Variants in SPATA18 observed in about 807,000 individuals in gnomAD.
The protein encoded by SPATA18 is mitochondria-eating protein.
Under a neutral mutation model 68.1 loss-of-function variants are expected in SPATA18, and 54 were observed. The ratio of observed to expected loss-of-function variants is 0.79; its 90% CI spans 0.64 to 0.99. SPATA18 has a LOEUF of 0.99. Among genes scored for constraint, SPATA18 ranks in the 50% least tolerant of loss-of-function variants. SPATA18 has a pLI of 0.00. For missense variants in SPATA18, 724 were observed against 681.1 expected (o/e 1.06, Z -0.70); for synonymous variants, 242 against 244.8 (o/e 0.99, Z 0.11).
intron 4 of SPATA18, among the ~76,000 whole-genome samples, chr4:52,067,864 G>C (rs1739445029): frequency 6.6e-6 from 1 of 152,160 alleles, no homozygotes; most frequent in East Asian, 1.9e-4. Flanking sequence ...AATTGACACT[G>C]TTGTATCCCC....
chr4:52,090,323 A>G (rs1259753676), intron 11 of SPATA18, among the ~76,000 whole-genome samples: 1 of 152,166 alleles, frequency 6.6e-6, no homozygotes, highest in Non-Finnish European at 1.5e-5. Context: ...TCCTGTCATT[A>G]TGATGCTAGC....
intron 3 of SPATA18, among the ~76,000 whole-genome samples, chr4:52,061,277 A>T (rs925076740): frequency 3.9e-5 from 6 of 152,052 alleles, no homozygotes; most frequent in Admixed American, 2.6e-4. Context: ...AACAATGAGA[A>T]TACATGGACA....
chr4:52,059,276 G>C (rs1373949415), intron 1 of SPATA18, among the ~76,000 whole-genome samples: 1 of 152,066 alleles, frequency 6.6e-6, no homozygotes. Flanking sequence ...TTTCTGTTCT[G>C]GGATTTGTTG....
In SPATA18 at chr4:52,082,482, G is replaced by T; in HGVS notation, c.1451G>T (p.Gly484Val). ...GAGAATGACTGTGTCATTATGAAGG[G>T]AGAAGCTGTCACCAGGAGAGGGGCT... ...LMENDCVIMK[G>V]EAVTRRGAFW... The change falls in exon 10 of 13, where the codon GGA becomes GTA. Residue 484 changes from glycine to valine, a missense_variant. Gly to Val is a moderately radical substitution (Grantham distance 109). Transcript: ENST00000295213. 6.2e-7 allele frequency: 1 copy of T among 1,614,122 alleles called. No homozygotes were observed. Among genetic ancestry groups the T allele is most frequent in the Non-Finnish European group, 8.5e-7 (1 of 1,179,996 alleles).
In SPATA18 at chr4:52,052,238, A is replaced by T. The variant is rs578056550; in HGVS notation, c.87+447A>T. Among the ~76,000 whole-genome samples the T allele has an allele frequency of 3.3e-5, 5 of 152,306 alleles. No individual in the cohort carries two copies. In the South Asian group the frequency reaches 8.3e-4, roughly 25 times the overall value. On this transcript the variant is annotated intron_variant, in intron 1 of 12. Coordinates refer to ENST00000295213, the MANE Select transcript of SPATA18 (RefSeq NM_145263.4). Reference sequence around the variant, plus strand: ...TCTCCTGCCCAGGGTTTGTATCAGAATGGATTTGTATAAACACACACCCAG... The same window carrying T: ...TCTCCTGCCCAGGGTTTGTATCAGATTGGATTTGTATAAACACACACCCAG...
intron 3 of SPATA18, among the ~76,000 whole-genome samples, chr4:52,062,010 A>G (rs1340763877): frequency 2.6e-5 from 4 of 152,178 alleles, no homozygotes; most frequent in Admixed American, 6.5e-5. Flanking sequence ...AGACATCTCC[A>G]TCACTCTAGA....
intron 6 of SPATA18, among the ~76,000 whole-genome samples, chr4:52,072,954 A>T (rs1739995058): frequency 6.6e-6 from 1 of 152,180 alleles, no homozygotes; most frequent in Non-Finnish European, 1.5e-5. Flanking sequence ...AAGACAGGTC[A>T]TCCAGACAGT....
At chr4:52,064,639 G>A (rs1432631527) in intron 4 of SPATA18, among the ~76,000 whole-genome samples, 1 of 152,128 alleles carries the variant, frequency 6.6e-6, no homozygotes, top group African/African-American at 2.4e-5. Flanking sequence ...AGTATTCCAT[G>A]GTGTATATAT....
Position 52,082,237 on chromosome 4 carries a change from G to T in SPATA18, c.1356-150G>T, listed in dbSNP as rs1740990251. 10 of 712,552 alleles carry T rather than the reference G, an allele frequency of 1.4e-5. 1 individual carries two copies. The South Asian group carries it at 1.7e-4, about 12-fold the overall frequency. 44.1% of individuals were successfully genotyped at this position (712,552 alleles called of 1,614,324 possible). A position where few individuals can be genotyped will look rare whatever the true frequency, so the allele number is the denominator to read the frequency against. On this transcript the variant is annotated intron_variant, in intron 9 of 12. Coordinates refer to ENST00000295213, the MANE Select transcript of SPATA18 (RefSeq NM_145263.4). ...CAGTTATCATTAGTTCCTATTCTAA[G>T]AGGCCACAAAGATTCTTAAATAACA...
chr4:52,059,294 G>T (rs1738625348), intron 1 of SPATA18, among the ~76,000 whole-genome samples: 3 of 152,202 alleles, frequency 2.0e-5, no homozygotes, highest in Non-Finnish European at 4.4e-5. Flanking sequence ...TTGTGTCCAG[G>T]AGGCACCAAG....
intron 4 of SPATA18, among the ~76,000 whole-genome samples, chr4:52,068,387 A>G (rs887005521): frequency 1.3e-5 from 2 of 152,228 alleles, no homozygotes; most frequent in African/African-American, 2.4e-5. Context: ...GGGGATAGAG[A>G]TGAATAAAAT....
At chr4:52,072,376 G>C (rs1031455231) in intron 6 of SPATA18, among the ~76,000 whole-genome samples, 2 of 151,960 alleles carry the variant, frequency 1.3e-5, no homozygotes, top group Non-Finnish European at 2.9e-5. Context: ...AATTAACTTT[G>C]GGCTGAGAGA....
Position 52,082,458 on chromosome 4 carries a change from A to G in SPATA18, c.1427A>G (p.Glu476Gly). Residue 476 changes from glutamate (E) to glycine (G), a missense_variant, in exon 10 of 13, where the codon GAG becomes GGG. Glu to Gly is a moderately conservative substitution (Grantham distance 98). Transcript: ENST00000295213. ...VLYHVWPALMENDCVIMKGEA... is the reference protein window; with the variant it reads ...VLYHVWPALMGNDCVIMKGEA... Reference sequence around the variant, plus strand: ...TATCACGTGTGGCCTGCTCTCATGGAGAATGACTGTGTCATTATGAAGGGA... The same window carrying G: ...TATCACGTGTGGCCTGCTCTCATGGGGAATGACTGTGTCATTATGAAGGGA... The G allele has an allele frequency of 3.1e-6, 5 of 1,614,148 alleles. No individual in the cohort carries two copies. Among genetic ancestry groups the G allele is most frequent in the Non-Finnish European group, 4.2e-6 (5 of 1,180,012 alleles).
At chr4:52,084,165 C>T (rs1741213156) in intron 10 of SPATA18, among the ~76,000 whole-genome samples, 1 of 152,240 alleles carries the variant, frequency 6.6e-6, no homozygotes, top group African/African-American at 2.4e-5. Flanking sequence ...CAGTCACACT[C>T]TGTTAAGAAG....
At position 52,076,812 on chromosome 4, in the gene SPATA18, TCGCAGCCGTAGCTGCAGC is replaced by T; in HGVS notation, c.799_816del (p.Cys269_Ser274del). On this transcript the variant is annotated inframe_deletion, in exon 7 of 13. Transcript: ENST00000295213. Reference sequence around the variant, plus strand: ...GGAGCCGGTCTCCCAGCCCTGCCCCTCGCAGCCGTAGCTGCAGCCGCAGCAGATCTGCCAGCCCCTCCA... The same window carrying T: ...GGAGCCGGTCTCCCAGCCCTGCCCCTCGCAGCAGATCTGCCAGCCCCTCCA... 1 of 1,614,054 alleles carries T rather than the reference TCGCAGCCGTAGCTGCAGC, an allele frequency of 6.2e-7. No individual in the cohort carries two copies. Among genetic ancestry groups the T allele is most frequent in the Non-Finnish European group, 8.5e-7 (1 of 1,179,970 alleles).
At chr4:52,057,181 CT>C (rs527506160) in intron 1 of SPATA18, among the ~76,000 whole-genome samples, 64 of 147,102 alleles carry the variant, frequency 4.4e-4, no homozygotes, top group Admixed American at 5.5e-4. Flanking sequence ...CTGCAGGCAA[CT>C]TTTTTTTTTT....
chr4:52,077,068 T>C (rs1740436433), intron 7 of SPATA18, 28 bp downstream of exon 7: 1 of 1,565,730 alleles, frequency 6.4e-7, no homozygotes, highest in Non-Finnish European at 8.7e-7. Context: ...GACTCCCGGC[T>C]CCTTAGGGCA....
At chr4:52,086,798 G>A (rs1036519938) in intron 11 of SPATA18, among the ~76,000 whole-genome samples, 6 of 152,132 alleles carry the variant, frequency 3.9e-5, no homozygotes, top group Non-Finnish European at 8.8e-5. Flanking sequence ...GCATTGCTGG[G>A]TCAAATGGTA....
Position 52,072,076 on chromosome 4 carries a change from G to A in SPATA18, c.678G>A (p.Met226Ile). Residue 226 changes from methionine to isoleucine, a missense_variant, in exon 6 of 13, where the codon ATG (methionine) becomes ATA (isoleucine). Met to Ile is a conservative substitution (Grantham distance 10). Transcript: ENST00000295213. ...CAGACCAGCAGGACACAGAAGCCAT[G>A]TCCGATTATAAGAAACAGCTCCGAA... ...QNADQQDTEA[M>I]SDYKKQLRNL... 6.2e-7 allele frequency: 1 copy of A among 1,613,946 alleles called. No individual in the cohort carries two copies. The highest frequency in any genetic ancestry group is 2.2e-5 in the East Asian group (1 of 44,840).
Sources: allele counts gnomAD v4.1 joint callset (sites outside exome capture counted in the v4.1 genomes callset), GRCh38; gene constraint gnomAD v4.1.1; transcripts MANE v1.5; gene names NCBI Gene and HGNC (gene_info 2026-07-23, HGNC 2026-07-21).